CNTNAP2: variants seen among roughly 807,000 people sequenced by gnomAD.
The protein encoded by CNTNAP2 is contactin-associated protein-like 2.
CNTNAP2 carries 98 observed loss-of-function variants against 155.2 expected under a neutral mutation model. That is an observed-to-expected ratio of 0.63 (90% CI 0.54 to 0.75). CNTNAP2 has a LOEUF of 0.75. Ranked by LOEUF, CNTNAP2 falls within the 30% of genes least tolerant of loss-of-function variation. The probability of loss-of-function intolerance (pLI) is 0.00; values close to 1 mark genes in which losing one functional copy is unlikely to be tolerated. For missense variants in CNTNAP2, 1,727 were observed against 1,688.1 expected (o/e 1.02, Z -0.40); for synonymous variants, 651 against 631.2 (o/e 1.03, Z -0.47).
At chr7:147,822,408 T>C (rs2058507) in intron 13 of CNTNAP2, among the ~76,000 whole-genome samples, 44 of 152,134 alleles carry the variant, frequency 2.9e-4, no homozygotes, top group African/African-American at 9.9e-4. Flanking sequence ...CTCACTTTTT[T>C]AGTGACAAAA....
At chr7:146,319,263 C>G in intron 1 of CNTNAP2, among the ~76,000 whole-genome samples, 1 of 152,074 alleles carries the variant, frequency 6.6e-6, no homozygotes, top group East Asian at 1.9e-4. Flanking sequence ...ATACATCATG[C>G]TATTGTACTC....
At chr7:147,702,217 C>T (rs1563058129) in intron 13 of CNTNAP2, among the ~76,000 whole-genome samples, 1 of 151,968 alleles carries the variant, frequency 6.6e-6, no homozygotes, top group Non-Finnish European at 1.5e-5. Context: ...AGATATGACT[C>T]TGAAATCACA....
At chr7:147,198,955 C>CTTTTT (rs531893928) in intron 8 of CNTNAP2, among the ~76,000 whole-genome samples, 26 of 99,310 alleles carry the variant, frequency 2.6e-4, no homozygotes, top group Middle Eastern at 7.1e-3. Flanking sequence ...AATCAAAGGA[C>CTTTTT]TTTTTTTTTT....
chr7:147,316,322 A>G (rs975259341), intron 9 of CNTNAP2, among the ~76,000 whole-genome samples: 9 of 152,150 alleles, frequency 5.9e-5, no homozygotes, highest in Non-Finnish European at 8.8e-5. Flanking sequence ...CTCTGATAAT[A>G]AAAACCTTAG....
chr7:147,459,510 G>A (rs1287071890), intron 10 of CNTNAP2, among the ~76,000 whole-genome samples: 1 of 152,100 alleles, frequency 6.6e-6, no homozygotes, highest in Non-Finnish European at 1.5e-5. Context: ...TGGAAATGTG[G>A]GTGAGCTCAA....
At chr7:147,230,763 T>G (rs182955589) in intron 8 of CNTNAP2, among the ~76,000 whole-genome samples, 40 of 152,322 alleles carry the variant, frequency 2.6e-4, no homozygotes, top group Middle Eastern at 3.4e-3. Context: ...CCCTATCCCC[T>G]GACAACCACT....
At chr7:147,880,003 AGTG>A (rs1198740437) in intron 13 of CNTNAP2, among the ~76,000 whole-genome samples, 2 of 152,242 alleles carry the variant, frequency 1.3e-5, no homozygotes, top group African/African-American at 2.4e-5. Flanking sequence ...AATTGAAAAC[AGTG>A]GTGATGAGAT....
intron 1 of CNTNAP2, among the ~76,000 whole-genome samples, chr7:146,119,347 T>C (rs867026024): frequency 2.6e-5 from 4 of 152,270 alleles, no homozygotes; most frequent in Admixed American, 6.5e-5. Context: ...TGTATTTGCT[T>C]ATGACTTATT....
chr7:147,302,159 A>G (rs1489918241), intron 9 of CNTNAP2, among the ~76,000 whole-genome samples: 1 of 152,232 alleles, frequency 6.6e-6, no homozygotes, highest in Non-Finnish European at 1.5e-5. Flanking sequence ...AATATTCAAT[A>G]TGATTGGCTT....
chr7:146,216,477 A>T (rs1174964289), intron 1 of CNTNAP2, among the ~76,000 whole-genome samples: 1 of 152,138 alleles, frequency 6.6e-6, no homozygotes. Flanking sequence ...GCCTCAGCAC[A>T]CCCTGTTCCT....
At chr7:146,397,956 C>T (rs1639486) in intron 1 of CNTNAP2, among the ~76,000 whole-genome samples, 25,799 of 149,664 alleles carry the variant, frequency 0.17, 3,461 homozygotes, top group African/African-American at 0.38. Flanking sequence ...TCACTGCAGC[C>T]TCAAATTCTT....
rs751716366 is a variant in CNTNAP2 at position 146,839,925 on chromosome 7, C to T, written c.402+21C>T. The T allele has an allele frequency of 2.5e-6, 4 of 1,612,624 alleles. No homozygotes were observed. In the East Asian group the frequency reaches 8.9e-5, roughly 36 times the overall value. On this transcript the variant is annotated intron_variant, in intron 3 of 23. Coordinates refer to ENST00000361727, the MANE Select transcript of CNTNAP2 (RefSeq NM_014141.6). ...TCTGGGTAAGTCATTGGCAGGAAAG[C>T]AAAGACACAGAATTGGATTGGAAAT...
rs191333776 is a variant in CNTNAP2, at chr7:146,511,942, C to A, written c.98-262329C>A. Among the ~76,000 whole-genome samples, 313 of 152,176 alleles carry A rather than the reference C, an allele frequency of 2.1e-3. 2 individuals carry two copies. Among genetic ancestry groups the A allele is most frequent in the African/African-American group, 7.1e-3 (296 of 41,560 alleles). The stretch of plus-strand genomic sequence containing the variant: ...GGGAGGCTTTTTATTACTGCTTCAA[C>A]TGCCTTATTCAATATTGGTCTGTTC... On this transcript the variant is annotated intron_variant, in intron 1 of 23. Transcript: ENST00000361727.
At chr7:148,243,071 G>C (rs1028786256) in intron 20 of CNTNAP2, among the ~76,000 whole-genome samples, 1 of 152,158 alleles carries the variant, frequency 6.6e-6, no homozygotes, top group Non-Finnish European at 1.5e-5. Flanking sequence ...GGAAGTCAGA[G>C]AATGAATAAA....
chr7:147,860,910 A>G (rs1188506866), intron 13 of CNTNAP2, among the ~76,000 whole-genome samples: 1 of 152,234 alleles, frequency 6.6e-6, no homozygotes, highest in African/African-American at 2.4e-5. Flanking sequence ...TAAGATGATG[A>G]CAAAGGGATT....
chr7:147,307,637 T>C (rs1305881353), intron 9 of CNTNAP2, among the ~76,000 whole-genome samples: 1 of 152,146 alleles, frequency 6.6e-6, no homozygotes, highest in Non-Finnish European at 1.5e-5. Flanking sequence ...GTTATTTCCT[T>C]CAAAATATAA....
intron 1 of CNTNAP2, among the ~76,000 whole-genome samples, chr7:146,326,322 T>G (rs764994871): frequency 3.9e-5 from 6 of 152,216 alleles, no homozygotes; most frequent in Non-Finnish European, 7.3e-5. Flanking sequence ...CTATTCTTGT[T>G]TGTTTTCTCA....
At chr7:146,823,619 T>C (rs900945862) in intron 2 of CNTNAP2, among the ~76,000 whole-genome samples, 8 of 151,158 alleles carry the variant, frequency 5.3e-5, no homozygotes, top group Non-Finnish European at 1.5e-5. Flanking sequence ...CATTCTTCAG[T>C]ATATTTACAT....
intron 3 of CNTNAP2, among the ~76,000 whole-genome samples, chr7:146,865,015 A>G (rs759835577): frequency 2.7e-4 from 39 of 144,910 alleles, no homozygotes; most frequent in Non-Finnish European, 5.0e-4. Context: ...AAAAAAAAGT[A>G]TAAATTTAAC....
Sources: gnomAD v4.1 joint callset for allele counts (sites outside exome capture counted in the v4.1 genomes callset) on GRCh38, gnomAD v4.1.1 for gene constraint, MANE v1.5 for transcripts, NCBI Gene and HGNC (gene_info 2026-07-23, HGNC 2026-07-21) for gene names.